SAXO1: variants seen among roughly 807,000 people sequenced by gnomAD.
SAXO1 encodes 4930500O09Rik.
Under a neutral mutation model 17.5 loss-of-function variants are expected in SAXO1, and 21 were observed. The observed-to-expected ratio is 1.20, with a 90% confidence interval of 0.85 to 1.72. The LOEUF is 1.72. Among genes scored for constraint, SAXO1 ranks in the 40% most tolerant of loss-of-function variants. SAXO1 has a pLI of 0.00. For synonymous variants in SAXO1, 274 were observed against 216.5 expected (o/e 1.27, Z -2.33); for missense variants, 843 against 596.0 (o/e 1.41, Z -4.32).
intron 2 of SAXO1, among the ~76,000 whole-genome samples, chr9:18,948,656 G>A: frequency 6.6e-6 from 1 of 152,150 alleles, no homozygotes; most frequent in East Asian, 1.9e-4. Flanking sequence ...GGTACCTGGA[G>A]TTGCATCTGG....
chr9:18,976,129 CATATG>C (rs2131808166), intron 1 of SAXO1, among the ~76,000 whole-genome samples: 1 of 152,292 alleles, frequency 6.6e-6, no homozygotes, highest in South Asian at 2.1e-4. Context: ...TGTGTGCACA[CATATG>C]ACATAATTAG....
intron 2 of SAXO1, among the ~76,000 whole-genome samples, chr9:18,942,216 G>A (rs1169832963): frequency 6.6e-6 from 1 of 152,026 alleles, no homozygotes; most frequent in Non-Finnish European, 1.5e-5. Flanking sequence ...ACCATAATGT[G>A]GCCAGAATAA....
chr9:18,993,039 A>T (rs980376931), intron 1 of SAXO1, among the ~76,000 whole-genome samples: 1 of 152,106 alleles, frequency 6.6e-6, no homozygotes, highest in East Asian at 1.9e-4. Context: ...GCCTCAGGTG[A>T]TCTGCCCACC....
Position 19,028,009 on chromosome 9 carries a change from G to C in SAXO1, c.38+4862C>G, listed in dbSNP as rs544554938. 77 of 1,605,208 alleles carry C rather than the reference G, an allele frequency of 4.8e-5. No homozygotes were observed. In the African/African-American group the frequency reaches 9.4e-4, roughly 19 times the overall value. On this transcript the variant is annotated intron_variant, in intron 1 of 3. Coordinates refer to ENST00000380534, the MANE Select transcript of SAXO1 (RefSeq NM_153707.4). Reference sequence around the variant, plus strand: ...CTTCAACGGGGCCCAGTGCAAGGCTGTGTCTGTGGAGGCGGGTATGATCGC... The same window carrying C: ...CTTCAACGGGGCCCAGTGCAAGGCTCTGTCTGTGGAGGCGGGTATGATCGC...
chr9:18,930,872 C>T (rs1031988832), intron 3 of SAXO1, among the ~76,000 whole-genome samples: 4 of 152,118 alleles, frequency 2.6e-5, no homozygotes, highest in Non-Finnish European at 5.9e-5. Flanking sequence ...CATAAATTAC[C>T]AGATTTAAAT....
chr9:19,002,218 G>C (rs907212826), intron 1 of SAXO1, among the ~76,000 whole-genome samples: 1 of 152,056 alleles, frequency 6.6e-6, no homozygotes, highest in East Asian at 1.9e-4. Flanking sequence ...TCTCTGCATA[G>C]ACCAATAACA....
In SAXO1 at chr9:19,020,022, T is replaced by TAAAA. The variant is rs368560199; in HGVS notation, c.38+12845_38+12848dup. ...CATCCTGGTCACCAGCAGGTATTAT[T>TAAAA]AAAAAAAAAAAAAAAAGTGTCCACG... On this transcript the variant is annotated intron_variant, in intron 1 of 3. Coordinates refer to ENST00000380534, the MANE Select transcript of SAXO1 (RefSeq NM_153707.4). 3.0e-3 allele frequency among the ~76,000 whole-genome samples: 421 copies of TAAAA among 141,370 alleles called. 1 individual carries two copies. Among genetic ancestry groups the TAAAA allele is most frequent in the African/African-American group, 9.2e-3 (354 of 38,368 alleles). The allele number at this position is 141,370 out of a possible 152,430, so 92.7% of individuals were successfully genotyped here.
chr9:18,930,726 C>T (rs1208527925), intron 3 of SAXO1, among the ~76,000 whole-genome samples: 4 of 152,104 alleles, frequency 2.6e-5, no homozygotes, highest in East Asian at 1.9e-4. Context: ...CTCGAACTCC[C>T]GACCTCAGGT....
At chr9:18,980,763 G>GTA (rs1491109358) in intron 1 of SAXO1, among the ~76,000 whole-genome samples, 1 of 130,264 alleles carries the variant, frequency 7.7e-6, no homozygotes, top group Non-Finnish European at 1.5e-5. Context: ...GGGAGGAGAA[G>GTA]CATATTTTTA....
At chr9:18,951,611 TC>T (rs1333043387) in intron 1 of SAXO1, among the ~76,000 whole-genome samples, 1 of 152,132 alleles carries the variant, frequency 6.6e-6, no homozygotes, top group Non-Finnish European at 1.5e-5. Context: ...CGCCGTCGTA[TC>T]CCCTCTCCCC....
intron 1 of SAXO1, among the ~76,000 whole-genome samples, chr9:19,029,499 T>C (rs10757023): frequency 0.36 from 53,984 of 152,062 alleles, 10,392 homozygotes; most frequent in East Asian, 0.42. Context: ...AAGCCAAATA[T>C]AGACTTCCAC....
At chr9:19,036,447 G>A (rs923697137), upstream of SAXO1, among the ~76,000 whole-genome samples, 1 of 152,028 alleles carries the variant, frequency 6.6e-6, no homozygotes, top group African/African-American at 2.4e-5. Flanking sequence ...AGGCCCGCAG[G>A]CCTAGGAGAA....
rs112137848 is a variant in SAXO1, at chr9:19,049,258, C to G, written c.-207G>C. On this transcript the variant is annotated 5_prime_UTR_variant, in exon 1 of 4. Coordinates refer to the SAXO1 transcript ENST00000542071. The surrounding 1 kb of genome is among the most constrained non-coding windows in gnomAD (Gnocchi z 5.4). ...CAACAGAACAAAAGACCGAAGTCCT[C>G]GAGCTTCCCTTCCATCTTAGGGCTC... 86 of 170,048 alleles carry G rather than the reference C, an allele frequency of 5.1e-4. No individual in the cohort carries two copies. The highest frequency in any genetic ancestry group is 2.0e-3 in the African/African-American group (85 of 41,858). The allele number at this position is 170,048 out of a possible 1,614,324, so 10.5% of individuals were successfully genotyped here. A position where few individuals can be genotyped will look rare whatever the true frequency, so the allele number is the denominator to read the frequency against.
intron 1 of SAXO1, among the ~76,000 whole-genome samples, chr9:19,012,768 C>G (rs1473172924): frequency 6.6e-6 from 1 of 152,142 alleles, no homozygotes; most frequent in Non-Finnish European, 1.5e-5. Flanking sequence ...AAATGAGTTT[C>G]TAGGCACTCT....
intron 1 of SAXO1, among the ~76,000 whole-genome samples, chr9:19,007,862 GC>G (rs1267956645): frequency 6.6e-6 from 1 of 152,148 alleles, no homozygotes; most frequent in Non-Finnish European, 1.5e-5. Context: ...AACACAGCAT[GC>G]CTGTTCTTTT....
intron 1 of SAXO1, among the ~76,000 whole-genome samples, chr9:18,996,854 A>G (rs1167440437): frequency 6.6e-6 from 1 of 151,926 alleles, no homozygotes; most frequent in Non-Finnish European, 1.5e-5. Context: ...ATGAGGCAAG[A>G]AAAAAAACAT....
chr9:19,041,820 A>C (rs1836086006), intron 1 of SAXO1, among the ~76,000 whole-genome samples: 2 of 152,196 alleles, frequency 1.3e-5, no homozygotes, highest in Admixed American at 1.3e-4. Context: ...CTTAAATCTA[A>C]GACCTCAAAC....
chr9:19,027,854 G>C, intron 1 of SAXO1: 1 of 1,388,396 alleles, frequency 7.2e-7, no homozygotes, highest in South Asian at 1.2e-5. Flanking sequence ...CCTGGACCCC[G>C]CCCTGCTACG....
At chr9:19,027,757 G>T in intron 1 of SAXO1, 1 of 1,496,490 alleles carries the variant, frequency 6.7e-7, no homozygotes, top group Admixed American at 1.9e-5. Flanking sequence ...AGGTGCAGAG[G>T]ACGATGCTGG....
Sources: gnomAD v4.1 joint callset for allele counts (sites outside exome capture counted in the v4.1 genomes callset) on GRCh38, gnomAD v4.1.1 for gene constraint, Gnocchi (gnomAD v3.1) non-coding constraint, MANE v1.5 for transcripts, NCBI Gene and HGNC (gene_info 2026-07-23, HGNC 2026-07-21) for gene names.